The following CELSR1 variants were observed in gnomAD, a reference collection of about 807,000 sequenced individuals.
CELSR1 encodes the protein adhesion G protein-coupled receptor C1.
CELSR1 carries 110 observed loss-of-function variants against 249.1 expected under a neutral mutation model. The ratio of observed to expected loss-of-function variants is 0.44; its 90% CI spans 0.38 to 0.52. The LOEUF (loss-of-function observed/expected upper bound fraction) is 0.52. Ranked by LOEUF, CELSR1 falls within the 20% of genes least tolerant of loss-of-function variation. The probability of loss-of-function intolerance (pLI) is 0.00; values close to 1 mark genes in which losing one functional copy is unlikely to be tolerated. For missense variants in CELSR1, 4,109 were observed against 4,296.4 expected (o/e 0.96, Z 1.22); for synonymous variants, 2,113 against 1,900.0 (o/e 1.11, Z -2.92).
chr22:46,368,150 G>T (rs1179151245), intron 27 of CELSR1, among the ~76,000 whole-genome samples: 1 of 152,184 alleles, frequency 6.6e-6, no homozygotes, highest in Non-Finnish European at 1.5e-5. Context: ...CCTGAGCCAT[G>T]CCCATGGCTG....
intron 1 of CELSR1, among the ~76,000 whole-genome samples, chr22:46,494,954 T>C (rs1023820469): frequency 9.2e-5 from 14 of 152,360 alleles, no homozygotes; most frequent in Non-Finnish European, 1.0e-4. Context: ...TTAAAAACAG[T>C]ACAATCGTGC....
intron 19 of CELSR1, among the ~76,000 whole-genome samples, chr22:46,385,878 C>T (rs924592793): frequency 9.2e-5 from 14 of 151,732 alleles, no homozygotes; most frequent in Non-Finnish European, 1.8e-4. Context: ...GGGGTTTCAC[C>T]ATGTTAGCCA....
chr22:46,367,717 G>A lies in CELSR1; in HGVS notation c.8079+12C>T, dbSNP rs1420178089. On this transcript the variant is annotated intron_variant, in intron 28 of 34. Transcript: ENST00000674500. ...AGGCAGGGGTCCCGCGGGCAACTCG[G>A]CCGTCACCTACCTGTAAGCCGCTGA... 1 of 1,588,104 alleles carries A rather than the reference G, an allele frequency of 6.3e-7. No homozygotes were observed. Among genetic ancestry groups the A allele is most frequent in the Admixed American group, 1.8e-5 (1 of 55,542 alleles).
intron 1 of CELSR1, among the ~76,000 whole-genome samples, chr22:46,514,695 G>A (rs1296190450): frequency 1.3e-5 from 2 of 152,136 alleles, no homozygotes; most frequent in African/African-American, 2.4e-5. Context: ...GGAGGGAGCC[G>A]GGGCTGCAGG....
In CELSR1 at chr22:46,533,931, C is replaced by T. The variant is rs138357150; in HGVS notation, c.3240G>A (p.Pro1080=). ...TGTGCACCGTGGCTCGGCTCACCAG[C>T]GGAGCCGACGTGGCCTGCACCACCA... The part of the protein sequence containing the change: ...YVLVVQATSA[P]LVSRATVHIL... The change falls in exon 1 of 35, where the codon CCG becomes CCA. Residue 1080 remains proline (P), a synonymous_variant. Transcript: ENST00000674500. The T allele has an allele frequency of 4.7e-3, 7,640 of 1,613,016 alleles. 16 individuals are homozygous for T. The highest frequency in any genetic ancestry group is 5.6e-3 in the Non-Finnish European group (6,619 of 1,179,998).
In CELSR1 at chr22:46,535,413, G is replaced by A. The variant is rs1238908907; in HGVS notation, c.1758C>T (p.His586=). Residue 586 remains histidine (H), a synonymous_variant, in exon 1 of 35, where the codon CAC becomes CAT. Transcript: ENST00000674500. The stretch of plus-strand genomic sequence containing the variant: ...CAGAGTCCGCGTCCACCGCCTGAAT[G>A]TGCACCACGGGGTAGCCCAGGGGCA... The part of the protein sequence containing the change: ...ENVPLGYPVV[H]IQAVDADSGE... 1.9e-6 allele frequency: 3 copies of A among 1,608,748 alleles called. No homozygotes were observed. Among genetic ancestry groups the A allele is most frequent in the Admixed American group, 1.7e-5 (1 of 59,822 alleles).
chr22:46,410,532 A>G lies in CELSR1; in HGVS notation c.4799T>C (p.Leu1600Pro). ...KSLDLTGPLL[L>P]GGVPNLPEDF... ...TTCTGGCAGGTTGGGGACACCCCCC[A>G]GGAGTAGAGGGCCGGTCAGATCCAG... Residue 1600 changes from leucine (L) to proline (P), a missense_variant, in exon 7 of 35, where the codon CTG becomes CCG. Leu to Pro is a moderately conservative substitution (Grantham distance 98, BLOSUM62 -3). Around this residue, in one of 7 missense-constraint regions of CELSR1, gnomAD observed 453 missense variants for 492.0 expected, o/e 0.92. Coordinates refer to ENST00000674500, the MANE Select transcript of CELSR1 (RefSeq NM_001378328.1). This position sits in a 1 kb window ranked among gnomAD's most constrained non-coding sequence, Gnocchi z 6.8. The G allele has an allele frequency of 6.2e-7, 1 of 1,613,982 alleles. No individual in the cohort carries two copies. Among genetic ancestry groups the G allele is most frequent in the Non-Finnish European group, 8.5e-7 (1 of 1,179,992 alleles).
At position 46,535,371 on chromosome 22, in the gene CELSR1, C is replaced by A. The variant is rs371773600; in HGVS notation, c.1800G>T (p.Leu600=). 5 of 1,611,738 alleles carry A rather than the reference C, an allele frequency of 3.1e-6. No homozygotes were observed. The African/African-American group carries it at 4.0e-5, about 13-fold the overall frequency. The change falls in exon 1 of 35, where the codon CTG becomes CTT. Residue 600 remains leucine, a synonymous_variant. Coordinates refer to ENST00000674500, the MANE Select transcript of CELSR1 (RefSeq NM_001378328.1). ...VDADSGENAR[L]HYRLVDTAST... is the part of the protein sequence containing the mutation. ...AGGCCGTGTCCACCAGGCGATAGTG[C>A]AGCCGGGCGTTCTCTCCAGAGTCCG...
In CELSR1 at chr22:46,409,743, C is replaced by G. The variant is rs1278985607; in HGVS notation, c.5059+12G>C. ...GCCGTGACCGGGGGGATGGACGACG[C>G]CGGCCACTCACCTTGCTCACAGTTC... is the stretch of plus-strand genomic sequence containing the variant. On this transcript the variant is annotated intron_variant, in intron 8 of 34. Transcript: ENST00000674500. This position sits in a 1 kb window ranked among gnomAD's most constrained non-coding sequence, Gnocchi z 9.8. 3 of 1,612,100 alleles carry G rather than the reference C, an allele frequency of 1.9e-6. No homozygotes were observed. In the South Asian group the frequency reaches 3.3e-5, roughly 18 times the overall value.
chr22:46,451,979 G>A (rs574594261), intron 2 of CELSR1, among the ~76,000 whole-genome samples: 12 of 152,282 alleles, frequency 7.9e-5, no homozygotes, highest in South Asian at 6.2e-4. Context: ...CCAGGCAGCC[G>A]CAAGCCAAGG....
intron 2 of CELSR1, among the ~76,000 whole-genome samples, chr22:46,451,302 G>A (rs534689961): frequency 1.7e-4 from 26 of 152,302 alleles, no homozygotes; most frequent in Admixed American, 3.9e-4. Flanking sequence ...AGGGGAGCCC[G>A]GCACTGCAGA....
rs2079308031 is a variant in CELSR1, at chr22:46,409,621, A to AT, written c.5059+133_5059+134insA. The AT allele has an allele frequency of 9.3e-7, 1 of 1,073,090 alleles. No homozygotes were observed. Among genetic ancestry groups the AT allele is most frequent in the Non-Finnish European group, 1.4e-6 (1 of 732,856 alleles). 66.5% of individuals were successfully genotyped at this position (1,073,090 alleles called of 1,614,324 possible). On this transcript the variant is annotated intron_variant, in intron 8 of 34. Coordinates refer to ENST00000674500, the MANE Select transcript of CELSR1 (RefSeq NM_001378328.1). This position sits in a 1 kb window ranked among gnomAD's most constrained non-coding sequence, Gnocchi z 9.8. ...CTTGGAGAGGGCGGTGTGAGTCCAC[A>AT]GTAAATGCAGCATATACCACCAGAG...
chr22:46,439,524 G>A (rs2079716216), intron 2 of CELSR1, 113 bp from the exon 3 acceptor site: 2 of 830,950 alleles, frequency 2.4e-6, no homozygotes, highest in Non-Finnish European at 3.8e-6. Flanking sequence ...GCTGCTGAAA[G>A]AAAACCCGAC....
rs753462545 is a variant in CELSR1 at position 46,407,669 on chromosome 22, G to A, written c.5226+1327C>T. The stretch of plus-strand genomic sequence containing the variant: ...ACAAAACAAAACAAAAAAAACCTAG[G>A]ATGAAGGAAGGAATAACTCAGTTAT... On this transcript the variant is annotated intron_variant, in intron 9 of 34. Transcript: ENST00000674500. The surrounding 1 kb of genome is among the most constrained non-coding windows in gnomAD (Gnocchi z 4.8). 3.9e-5 allele frequency among the ~76,000 whole-genome samples: 6 copies of A among 152,036 alleles called. No individual in the cohort carries two copies. Among genetic ancestry groups the A allele is most frequent in the Non-Finnish European group, 8.8e-5 (6 of 68,020 alleles).
intron 1 of CELSR1, among the ~76,000 whole-genome samples, chr22:46,497,710 A>G (rs1160265093): frequency 2.0e-5 from 3 of 152,170 alleles, no homozygotes; most frequent in Admixed American, 6.6e-5. Flanking sequence ...GGGCATTCAT[A>G]TCTTCTGGGG....
rs2079355337 is a variant in CELSR1 at position 46,412,914 on chromosome 22, A to C, written c.4612-1155T>G. 6.6e-6 allele frequency among the ~76,000 whole-genome samples: 1 copy of C among 152,226 alleles called. No homozygotes were observed. Among genetic ancestry groups the C allele is most frequent in the Non-Finnish European group, 1.5e-5 (1 of 68,036 alleles). On this transcript the variant is annotated intron_variant, in intron 5 of 34. Transcript: ENST00000674500. This position sits in a 1 kb window ranked among gnomAD's most constrained non-coding sequence, Gnocchi z 4.5. ...CGATGAGCCAGGAGATCGCCAGGCA[A>C]GTGCCACCATGCCCCACAATTGGCA...
chr22:46,443,031 G>C (rs990502951), intron 2 of CELSR1, among the ~76,000 whole-genome samples: 3 of 152,100 alleles, frequency 2.0e-5, no homozygotes, highest in African/African-American at 7.2e-5. Context: ...GCGGGAGGCG[G>C]AGCTTGCAGT....
chr22:46,378,913 AAGAC>A (rs1211229842), intron 22 of CELSR1, among the ~76,000 whole-genome samples, 196 bp from the exon 23 acceptor site: 53 of 152,172 alleles, frequency 3.5e-4, no homozygotes, highest in African/African-American at 1.2e-3. Flanking sequence ...CCCTACACCG[AAGAC>A]AAGAGCCACC....
rs12483972 is a variant in CELSR1 at position 46,518,401 on chromosome 22, T to C, written c.3544+15226A>G. Among the ~76,000 whole-genome samples the C allele has an allele frequency of 6.6e-6, 1 of 152,168 alleles. No homozygotes were observed. The highest frequency in any genetic ancestry group is 1.5e-5 in the Non-Finnish European group (1 of 68,028). ...TGGGCTCCCACAGACCACATTGCAC[T>C]GCGACAAGGCAAACCGATGGTGTGC... On this transcript the variant is annotated intron_variant, in intron 1 of 34. Transcript: ENST00000674500. The surrounding 1 kb of genome is among the most constrained non-coding windows in gnomAD (Gnocchi z 5.2).
Sources: gnomAD v4.1 joint callset for allele counts (sites outside exome capture counted in the v4.1 genomes callset) on GRCh38, gnomAD v4.1.1 for gene constraint, gnomAD v4.1.1 regional missense constraint, Gnocchi (gnomAD v3.1) non-coding constraint, MANE v1.5 for transcripts, NCBI Gene and HGNC (gene_info 2026-07-23, HGNC 2026-07-21) for gene names.